ISM1: variants seen among roughly 807,000 people sequenced by gnomAD.
ISM1 encodes the protein isthmin 1, also known as isthmin-1.
Under a neutral mutation model 46.3 loss-of-function variants are expected in ISM1, and 25 were observed. That is an observed-to-expected ratio of 0.54 (90% CI 0.39 to 0.75). The LOEUF (loss-of-function observed/expected upper bound fraction) is 0.75, where lower values mean the gene tolerates loss of function less well. Ranked by LOEUF, ISM1 falls within the 30% of genes least tolerant of loss-of-function variation. The pLI, the probability that ISM1 is intolerant of heterozygous loss-of-function variation, is 0.00. For missense variants in ISM1, 536 were observed against 625.4 expected (o/e 0.86, Z 1.52); for synonymous variants, 255 against 256.7 (o/e 0.99, Z 0.06).
chr20:13,241,804 C>G (rs1025367006), intron 1 of ISM1, among the ~76,000 whole-genome samples: 9 of 152,102 alleles, frequency 5.9e-5, no homozygotes, highest in South Asian at 2.1e-4. Context: ...GCAAGTTTGT[C>G]AAGTTGGATG....
At chr20:13,269,673 T>C (rs1384755642) in intron 1 of ISM1, among the ~76,000 whole-genome samples, 2 of 152,178 alleles carry the variant, frequency 1.3e-5, no homozygotes, top group African/African-American at 4.8e-5. Context: ...GCCTCAAGTG[T>C]CACCTTCTCT....
Position 13,223,162 on chromosome 20 carries a change from A to AAAAAT in ISM1, c.138+1277_138+1281dup, listed in dbSNP as rs1275238008. 3.3e-3 allele frequency among the ~76,000 whole-genome samples: 476 copies of AAAAAT among 146,062 alleles called. 1 individual carries two copies. Among genetic ancestry groups the AAAAAT allele is most frequent in the East Asian group, 7.4e-3 (35 of 4,738 alleles). On this transcript the variant is annotated intron_variant, in intron 1 of 5. Coordinates refer to ENST00000262487, the MANE Select transcript of ISM1 (RefSeq NM_080826.2). ...ACAGAGCGAGACTCCGTCTCAAAAA[A>AAAAAT]AAAATAAAATAAAATAAAATAAAAT...
chr20:13,247,810 G>T (rs1017828135), intron 1 of ISM1, among the ~76,000 whole-genome samples: 2 of 152,140 alleles, frequency 1.3e-5, no homozygotes, highest in African/African-American at 4.8e-5. Flanking sequence ...AAGTAGGAAA[G>T]AATTACGGTT....
At chr20:13,248,080 G>A (rs76041462) in intron 1 of ISM1, among the ~76,000 whole-genome samples, 10,557 of 152,244 alleles carry the variant, frequency 0.069, 487 homozygotes, top group Middle Eastern at 0.14. Context: ...TGATGGCAGC[G>A]TCCAAAAGTG....
intron 1 of ISM1, among the ~76,000 whole-genome samples, chr20:13,227,991 G>A (rs2039547695): frequency 7.4e-6 from 1 of 135,022 alleles, no homozygotes; most frequent in Admixed American, 7.7e-5. Flanking sequence ...TTGAGATGGA[G>A]TCTAGCTCTG....
Position 13,299,414 on chromosome 20 carries a change from G to C in ISM1, c.1350G>C (p.Ser450=), listed in dbSNP as rs773155564. The C allele has an allele frequency of 1.2e-6, 2 of 1,610,906 alleles. No individual in the cohort carries two copies. Among genetic ancestry groups the C allele is most frequent in the South Asian group, 2.2e-5 (2 of 91,074 alleles). Residue 450 remains serine (S), a synonymous_variant, in exon 6 of 6, where the codon TCG becomes TCC. Transcript: ENST00000262487. This position sits in a 1 kb window ranked among gnomAD's most constrained non-coding sequence, Gnocchi z 5.8. The part of the protein sequence containing the change: ...NNGQKCTESP[S]DEDYIKQFQE... ...GACAGAAGTGCACAGAGAGCCCCTCGGACGAGGACTACATCAAGCAGTTCC... is the reference window on the plus strand; with the variant it reads ...GACAGAAGTGCACAGAGAGCCCCTCCGACGAGGACTACATCAAGCAGTTCC...
chr20:13,225,150 G>GC (rs2039507714), intron 1 of ISM1, among the ~76,000 whole-genome samples: 1 of 152,038 alleles, frequency 6.6e-6, no homozygotes, highest in East Asian at 1.9e-4. Flanking sequence ...ACCGCGCCCG[G>GC]CCCATACTAG....
intron 2 of ISM1, among the ~76,000 whole-genome samples, chr20:13,278,168 G>A (rs1025864295): frequency 4.6e-5 from 7 of 152,196 alleles, no homozygotes; most frequent in East Asian, 1.9e-4. Flanking sequence ...AACCCAATGC[G>A]TCTTTTATTA....
chr20:13,323,064 C>A, the ISM1 span, among the ~76,000 whole-genome samples: 1 of 152,002 alleles, frequency 6.6e-6, no homozygotes, highest in East Asian at 1.9e-4. Flanking sequence ...GGGAAGACAC[C>A]ACCCAGGCAT....
intron 1 of ISM1, among the ~76,000 whole-genome samples, chr20:13,251,793 G>A (rs780685834): frequency 6.8e-4 from 103 of 152,078 alleles, no homozygotes; most frequent in Non-Finnish European, 5.0e-4. Context: ...TTTGCTTACC[G>A]TGTGACTTTT....
At chr20:13,268,426 T>C (rs1009985394) in intron 1 of ISM1, among the ~76,000 whole-genome samples, 1 of 140,506 alleles carries the variant, frequency 7.1e-6, no homozygotes, top group African/African-American at 2.7e-5. Context: ...CAAACAATAA[T>C]ACATTTGGCC....
intron 1 of ISM1, among the ~76,000 whole-genome samples, chr20:13,223,068 CAGG>C (rs1214453592): frequency 2.0e-5 from 3 of 151,880 alleles, no homozygotes. Flanking sequence ...GAGGCTGAGG[CAGG>C]AGAATTGCTT....
intron 1 of ISM1, among the ~76,000 whole-genome samples, chr20:13,242,812 A>G (rs2039742902): frequency 6.6e-6 from 1 of 152,146 alleles, no homozygotes; most frequent in African/African-American, 2.4e-5. Context: ...CTTACTGTTC[A>G]TGTGTGAAGT....
chr20:13,311,247 A>AGATAGATAGATAGATAGAT, the ISM1 span, among the ~76,000 whole-genome samples: 334 of 116,238 alleles, frequency 2.9e-3, no homozygotes, highest in African/African-American at 5.2e-3. Context: ...GATAGATGAT[A>AGATAGATAGATAGATAGAT]GATAGATAGA....
chr20:13,263,283 T>C (rs1206587683), intron 1 of ISM1, among the ~76,000 whole-genome samples: 2 of 152,156 alleles, frequency 1.3e-5, no homozygotes, highest in African/African-American at 4.8e-5. Context: ...TTTTCCCCAG[T>C]GCATCCTGGC....
the ISM1 span, among the ~76,000 whole-genome samples, chr20:13,311,124 G>T: frequency 6.6e-6 from 1 of 152,148 alleles, no homozygotes; most frequent in East Asian, 1.9e-4. Context: ...AACCCGGGAA[G>T]CGGAGGTTGC....
At chr20:13,284,456 G>A (rs1600551732) in intron 3 of ISM1, among the ~76,000 whole-genome samples, 1 of 152,162 alleles carries the variant, frequency 6.6e-6, no homozygotes, top group African/African-American at 2.4e-5. Context: ...TTTTCCTGCC[G>A]TTGTCATTAT....
chr20:13,253,760 A>G (rs541354364), intron 1 of ISM1, among the ~76,000 whole-genome samples: 1 of 152,296 alleles, frequency 6.6e-6, no homozygotes, highest in African/African-American at 2.4e-5. Context: ...CAGTATCATT[A>G]TCAGTTTTTC....
chr20:13,261,432 AAAAAAAAG>A (rs1375586201), intron 1 of ISM1, among the ~76,000 whole-genome samples: 1 of 152,042 alleles, frequency 6.6e-6, no homozygotes, highest in Non-Finnish European at 1.5e-5. Flanking sequence ...TCTCAAAAAA[AAAAAAAAG>A]AAAAAAGAAG....
Sources: gnomAD v4.1 joint callset for allele counts (sites outside exome capture counted in the v4.1 genomes callset) on GRCh38, gnomAD v4.1.1 for gene constraint, Gnocchi (gnomAD v3.1) non-coding constraint, MANE v1.5 for transcripts, NCBI Gene and HGNC (gene_info 2026-07-23, HGNC 2026-07-21) for gene names.